The following VPS13B variants were observed in gnomAD, a reference collection of about 807,000 sequenced individuals.
VPS13B encodes vacuolar protein sorting 13 homolog B.
A neutral mutation model predicts 426.4 loss-of-function variants in VPS13B; 285 were observed. That is an observed-to-expected ratio of 0.67 (90% CI 0.61 to 0.74). The LOEUF (loss-of-function observed/expected upper bound fraction) is 0.74. VPS13B is among the 30% of genes least tolerant of loss of function. The pLI, the probability that VPS13B is intolerant of heterozygous loss-of-function variation, is 0.00. For missense variants in VPS13B, 4,537 were observed against 4,782.6 expected (o/e 0.95, Z 1.51); for synonymous variants, 1,676 against 1,676.4 (o/e 1.00, Z 0.01).
chr8:99,391,594 G>A lies in VPS13B; in HGVS notation c.2972G>A (p.Cys991Tyr), dbSNP rs755689771. The A allele has an allele frequency of 1.2e-6, 2 of 1,614,188 alleles. No homozygotes were observed. The highest frequency in any genetic ancestry group is 1.7e-6 in the Non-Finnish European group (2 of 1,180,020). The change falls in exon 21 of 62, where the codon TGT becomes TAT. Residue 991 changes from cysteine (C) to tyrosine (Y), a missense_variant. Coordinates refer to ENST00000357162, the MANE Select transcript of VPS13B (RefSeq NM_152564.5). ...GCTGTTCCTCTTGTTATGCCAGTTT[G>A]TAGAAGGAAAGAGGATGAGGTGTCT... ...VVAVPLVMPV[C>Y]RRKEDEVSIG...
intron 39 of VPS13B, among the ~76,000 whole-genome samples, chr8:99,760,561 T>C (rs2130589198): frequency 6.6e-6 from 1 of 152,256 alleles, no homozygotes; most frequent in South Asian, 2.1e-4. Context: ...TTTTGTAGGA[T>C]GGAGAAATAA....
intron 20 of VPS13B, among the ~76,000 whole-genome samples, chr8:99,388,538 C>T (rs1045740011): frequency 6.6e-6 from 1 of 152,004 alleles, no homozygotes; most frequent in African/African-American, 2.4e-5. Context: ...TAGATTGCAA[C>T]TGAAATTTGA....
chr8:99,687,979 C>T (rs982124990), intron 35 of VPS13B, among the ~76,000 whole-genome samples: 1 of 151,794 alleles, frequency 6.6e-6, no homozygotes, highest in Non-Finnish European at 1.5e-5. Flanking sequence ...GAAGCAGTAT[C>T]CCAATGATTA....
chr8:99,204,239 A>G lies in VPS13B; in HGVS notation c.2515+11182A>G, dbSNP rs527986664. 4.6e-5 allele frequency among the ~76,000 whole-genome samples: 7 copies of G among 152,362 alleles called. No individual in the cohort carries two copies. In the East Asian group the frequency reaches 1.4e-3, roughly 29 times the overall value. On this transcript the variant is annotated intron_variant, in intron 17 of 61. Transcript: ENST00000357162. ...AACCATCTGATCTTTGACAAACCCG[A>G]CAAAAACTAGCAATGGGGAAAGGAT...
At chr8:99,672,351 C>T (rs1235662774) in intron 35 of VPS13B, among the ~76,000 whole-genome samples, 1 of 151,980 alleles carries the variant, frequency 6.6e-6, no homozygotes, top group African/African-American at 2.4e-5. Flanking sequence ...TAAATGTATT[C>T]CTAAGTATTT....
chr8:99,097,791 A>G (rs1846508412), intron 4 of VPS13B, among the ~76,000 whole-genome samples: 1 of 152,232 alleles, frequency 6.6e-6, no homozygotes, highest in African/African-American at 2.4e-5. Flanking sequence ...ATAGTTCTCC[A>G]GAAGATACAC....
chr8:99,287,252 A>G lies in VPS13B; in HGVS notation c.2824+11998A>G, dbSNP rs538603976. Among the ~76,000 whole-genome samples the G allele has an allele frequency of 5.2e-3, 782 of 150,922 alleles. 8 individuals carry two copies. Among genetic ancestry groups the G allele is most frequent in the Middle Eastern group, 0.014 (4 of 292 alleles). Reference sequence around the variant, plus strand: ...TGTCTGTCTATCTATCTATCTATCTATCTATCTATCTATCTATCTATCTAT... The same window carrying G: ...TGTCTGTCTATCTATCTATCTATCTGTCTATCTATCTATCTATCTATCTAT... On this transcript the variant is annotated intron_variant, in intron 19 of 61. Transcript: ENST00000357162.
chr8:99,730,745 A>T (rs1456082625), intron 39 of VPS13B, among the ~76,000 whole-genome samples: 4 of 151,528 alleles, frequency 2.6e-5, no homozygotes, highest in Admixed American at 6.6e-5. Context: ...CCTGAAAGGT[A>T]CCTGTAGGTA....
chr8:99,622,734 T>G (rs1342712158), intron 33 of VPS13B, among the ~76,000 whole-genome samples: 13 of 152,228 alleles, frequency 8.5e-5, no homozygotes, highest in Admixed American at 8.5e-4. Flanking sequence ...CTTTCTCATA[T>G]TAGTCATATA....
intron 43 of VPS13B, among the ~76,000 whole-genome samples, chr8:99,785,070 A>G (rs1189716655): frequency 6.6e-6 from 1 of 152,108 alleles, no homozygotes; most frequent in Non-Finnish European, 1.5e-5. Flanking sequence ...GAGAAAAGAC[A>G]CACCAAAGGA....
chr8:99,839,103 T>TGCAAAG (rs1253660644), intron 54 of VPS13B, among the ~76,000 whole-genome samples: 3 of 152,216 alleles, frequency 2.0e-5, no homozygotes, highest in Non-Finnish European at 4.4e-5. Context: ...GCCACTGAAC[T>TGCAAAG]GCAAAGAATG....
intron 19 of VPS13B, among the ~76,000 whole-genome samples, chr8:99,315,460 A>G (rs1809587342): frequency 6.6e-6 from 1 of 151,284 alleles, no homozygotes; most frequent in African/African-American, 2.4e-5. Flanking sequence ...TTTATTCAGC[A>G]GATTTTTTAT....
intron 28 of VPS13B, among the ~76,000 whole-genome samples, chr8:99,509,514 A>T (rs916860218): frequency 6.6e-6 from 1 of 152,182 alleles, no homozygotes; most frequent in African/African-American, 2.4e-5. Context: ...ACTGAATTGC[A>T]TATTTTTTCC....
At chr8:99,861,679 G>T in intron 57 of VPS13B, 97 bp from the exon 58 acceptor site, 1 of 1,484,210 alleles carries the variant, frequency 6.7e-7, no homozygotes, top group African/African-American at 1.4e-5. Flanking sequence ...GCATGTCCAG[G>T]AGGGGCCACA....
intron 35 of VPS13B, among the ~76,000 whole-genome samples, chr8:99,667,631 A>G (rs552376992): frequency 6.6e-6 from 1 of 152,278 alleles, no homozygotes; most frequent in South Asian, 2.1e-4. Context: ...TTCCTACTGT[A>G]AGCAATTTGT....
intron 17 of VPS13B, among the ~76,000 whole-genome samples, chr8:99,203,263 C>T (rs1312097125): frequency 6.6e-6 from 1 of 152,080 alleles, no homozygotes; most frequent in Non-Finnish European, 1.5e-5. Context: ...TGACAAAAAC[C>T]ACGTGATTAT....
chr8:99,823,455 G>A (rs1814495448), intron 50 of VPS13B, among the ~76,000 whole-genome samples: 2 of 152,208 alleles, frequency 1.3e-5, no homozygotes. Context: ...TGAGGAGGAG[G>A]AGGAGGAGGA....
At chr8:99,868,221 C>A in intron 58 of VPS13B, 68 bp from the exon 59 acceptor site, 1 of 1,600,408 alleles carries the variant, frequency 6.2e-7, no homozygotes, top group Non-Finnish European at 8.5e-7. Context: ...AACTGTGTTC[C>A]AGATGGAGCC....
intron 33 of VPS13B, among the ~76,000 whole-genome samples, chr8:99,627,343 A>G (rs1828654623): frequency 6.6e-6 from 1 of 152,142 alleles, no homozygotes; most frequent in Non-Finnish European, 1.5e-5. Context: ...AAAGATAAAT[A>G]AGCAAGATGA....
Sources: allele counts gnomAD v4.1 joint callset (sites outside exome capture counted in the v4.1 genomes callset), GRCh38; gene constraint gnomAD v4.1.1; transcripts MANE v1.5; gene names NCBI Gene and HGNC (gene_info 2026-07-23, HGNC 2026-07-21).